GALNT13: variants seen among roughly 807,000 people sequenced by gnomAD.
GALNT13 encodes the protein UDP-GalNAc:polypeptide N-acetylgalactosaminyltransferase 13.
A neutral mutation model predicts 64.2 loss-of-function variants in GALNT13; 28 were observed. That is an observed-to-expected ratio of 0.44 (90% CI 0.32 to 0.60). The LOEUF (loss-of-function observed/expected upper bound fraction) is 0.60, where lower values mean the gene tolerates loss of function less well. GALNT13 is among the 20% of genes least tolerant of loss of function. The probability of loss-of-function intolerance (pLI) is 0.05; values close to 1 mark genes in which losing one functional copy is unlikely to be tolerated. For missense variants in GALNT13, 577 were observed against 669.8 expected, an observed-to-expected ratio of 0.86 and a Z score of 1.53; for synonymous variants, 214 against 224.6, an observed-to-expected ratio of 0.95 and a Z score of 0.42.
intron 3 of GALNT13, among the ~76,000 whole-genome samples, chr2:154,057,988 C>T (rs1699983675): frequency 6.6e-6 from 1 of 151,984 alleles, no homozygotes; most frequent in Non-Finnish European, 1.5e-5. Context: ...CACTTGAGTC[C>T]CAGGAAGATA....
At chr2:153,831,366 T>C in the GALNT13 span, among the ~76,000 whole-genome samples, 1 of 152,188 alleles carries the variant, frequency 6.6e-6, no homozygotes, top group Non-Finnish European at 1.5e-5. Flanking sequence ...TAAGAAGTGC[T>C]AGCAGGAGGC....
In GALNT13 at chr2:153,872,960, T is replaced by G. The variant is rs556992383; in HGVS notation, c.-177+657T>G. 3.9e-5 allele frequency among the ~76,000 whole-genome samples: 6 copies of G among 152,298 alleles called. No individual in the cohort carries two copies. In the East Asian group the frequency reaches 1.2e-3, roughly 29 times the overall value. ...ATGTATCTGTTTTTTTCTCTTATTC[T>G]GTTTCCCTCTTTCTTTCTTGGGATA... On this transcript the variant is annotated intron_variant, in intron 1 of 12. Coordinates refer to ENST00000392825, the MANE Select transcript of GALNT13 (RefSeq NM_052917.4).
At chr2:153,441,976 A>C in the GALNT13 span, among the ~76,000 whole-genome samples, 1 of 152,294 alleles carries the variant, frequency 6.6e-6, no homozygotes, top group East Asian at 1.9e-4. Flanking sequence ...CAGAACCTCC[A>C]ATACTATGTT....
chr2:154,180,716 T>G (rs1183294716), intron 4 of GALNT13, among the ~76,000 whole-genome samples: 2 of 152,168 alleles, frequency 1.3e-5, no homozygotes, highest in African/African-American at 4.8e-5. Context: ...TATATCTAAA[T>G]TAACCTGTGT....
At chr2:153,992,745 T>A (rs1033936059) in intron 3 of GALNT13, among the ~76,000 whole-genome samples, 16 of 151,940 alleles carry the variant, frequency 1.1e-4, no homozygotes, top group Non-Finnish European at 2.1e-4. Flanking sequence ...TGATACTTTT[T>A]AAAAAAAAAT....
chr2:154,335,553 G>T (rs902610667), intron 9 of GALNT13, among the ~76,000 whole-genome samples: 1 of 151,848 alleles, frequency 6.6e-6, no homozygotes, highest in Non-Finnish European at 1.5e-5. Flanking sequence ...AAACACCAAG[G>T]ATATTAAATA....
chr2:154,105,631 G>A (rs551002730), intron 3 of GALNT13, among the ~76,000 whole-genome samples: 1 of 152,246 alleles, frequency 6.6e-6, no homozygotes, highest in South Asian at 2.1e-4. Context: ...CATACTCATT[G>A]TTAAGTGATG....
At chr2:153,765,179 C>T in the GALNT13 span, among the ~76,000 whole-genome samples, 1 of 152,186 alleles carries the variant, frequency 6.6e-6, no homozygotes, top group Non-Finnish European at 1.5e-5. Flanking sequence ...CCACTGTCCT[C>T]CAGACCCCAG....
chr2:153,206,035 G>T, the GALNT13 span, among the ~76,000 whole-genome samples: 1 of 151,894 alleles, frequency 6.6e-6, no homozygotes, highest in African/African-American at 2.4e-5. Context: ...TTGTCCTGCT[G>T]GGAGTGCCAT....
the GALNT13 span, among the ~76,000 whole-genome samples, chr2:153,274,229 T>C: frequency 6.6e-6 from 1 of 152,218 alleles, no homozygotes; most frequent in East Asian, 1.9e-4. Flanking sequence ...TTTATAGCTT[T>C]CCATCACTGC....
the GALNT13 span, among the ~76,000 whole-genome samples, chr2:153,290,299 G>A: frequency 5.3e-5 from 8 of 152,148 alleles, no homozygotes; most frequent in Admixed American, 3.3e-4. Context: ...GATGTTGTTA[G>A]TACCAAAAGG....
chr2:153,438,251 C>G, the GALNT13 span, among the ~76,000 whole-genome samples: 1 of 152,132 alleles, frequency 6.6e-6, no homozygotes, highest in Non-Finnish European at 1.5e-5. Flanking sequence ...CTCTGGCTGT[C>G]CTTAACATTT....
At chr2:153,113,046 T>A in the GALNT13 span, among the ~76,000 whole-genome samples, 1 of 152,148 alleles carries the variant, frequency 6.6e-6, no homozygotes, top group Non-Finnish European at 1.5e-5. Flanking sequence ...GGAAGAGAGA[T>A]GTTTGACAAA....
the GALNT13 span, among the ~76,000 whole-genome samples, chr2:153,252,875 T>A: frequency 6.6e-6 from 1 of 152,184 alleles, no homozygotes; most frequent in Non-Finnish European, 1.5e-5. Flanking sequence ...TACTGTAGCC[T>A]TGTAGTATAG....
chr2:154,376,436 T>TA (rs925795621), intron 9 of GALNT13, among the ~76,000 whole-genome samples: 10 of 152,128 alleles, frequency 6.6e-5, no homozygotes, highest in African/African-American at 2.4e-4. Flanking sequence ...CACATAAAGA[T>TA]AAAAAATCTT....
the GALNT13 span, among the ~76,000 whole-genome samples, chr2:153,713,879 CA>C: frequency 6.6e-6 from 1 of 152,292 alleles, no homozygotes; most frequent in Admixed American, 6.5e-5. Flanking sequence ...ACTTAGATCT[CA>C]AACTCCCCAT....
At chr2:153,749,450 T>C in the GALNT13 span, among the ~76,000 whole-genome samples, 10 of 152,062 alleles carry the variant, frequency 6.6e-5, no homozygotes, top group African/African-American at 1.2e-4. Flanking sequence ...TTAACAATAT[T>C]CATTCTTCCA....
At chr2:153,947,316 T>C (rs1200701830) in intron 3 of GALNT13, among the ~76,000 whole-genome samples, 3 of 152,022 alleles carry the variant, frequency 2.0e-5, no homozygotes, top group Admixed American at 2.0e-4. Flanking sequence ...TCTTTCTGTA[T>C]GTATTTATGT....
the GALNT13 span, among the ~76,000 whole-genome samples, chr2:153,673,272 A>G: frequency 6.6e-6 from 1 of 151,974 alleles, no homozygotes; most frequent in Non-Finnish European, 1.5e-5. Context: ...GAATTTTAGA[A>G]CAATATCCCT....
Sources: allele counts gnomAD v4.1 joint callset (sites outside exome capture counted in the v4.1 genomes callset), GRCh38; gene constraint gnomAD v4.1.1; transcripts MANE v1.5; gene names NCBI Gene and HGNC (gene_info 2026-07-23, HGNC 2026-07-21).